The following PDE1C variants were observed in gnomAD, a reference collection of about 807,000 sequenced individuals.
PDE1C encodes phosphodiesterase 1C, also known as dual specificity calcium/calmodulin-dependent 3',5'-cyclic nucleotide phosphodiesterase 1C.
In PDE1C, 62 loss-of-function variants were observed where a neutral mutation model predicts 93.1. The observed-to-expected ratio is 0.67, with a 90% confidence interval of 0.54 to 0.82. The LOEUF (loss-of-function observed/expected upper bound fraction) is 0.82. PDE1C is among the 40% of genes least tolerant of loss of function. The probability of loss-of-function intolerance (pLI) is 0.00; values close to 1 mark genes in which losing one functional copy is unlikely to be tolerated. For synonymous variants in PDE1C, 325 were observed against 310.1 expected, an observed-to-expected ratio of 1.05 and a Z score of -0.50; for missense variants, 742 against 884.6, an observed-to-expected ratio of 0.84 and a Z score of 2.04.
chr7:32,334,084 T>G lies in PDE1C; in HGVS notation c.310+93738A>C, dbSNP rs549367220. 3.9e-5 allele frequency among the ~76,000 whole-genome samples: 6 copies of G among 152,310 alleles called. No homozygotes were observed. The South Asian group carries it at 1.2e-3, about 32-fold the overall frequency. On this transcript the variant is annotated intron_variant, in intron 1 of 1. Coordinates refer to the PDE1C transcript ENST00000672256. ...ATAAAATTAACCACCAATTAATGAT[T>G]GAATGAAAAGAAGTCTCAAAAAGAA... is the stretch of plus-strand genomic sequence containing the variant.
intron 3 of PDE1C, among the ~76,000 whole-genome samples, chr7:32,105,865 G>A (rs568924496): frequency 3.1e-4 from 47 of 152,084 alleles, no homozygotes; most frequent in African/African-American, 1.1e-3. Flanking sequence ...CAGTCCAAGA[G>A]AAAAGTCCAA....
At chr7:32,146,737 C>G (rs1800861904) in intron 3 of PDE1C, among the ~76,000 whole-genome samples, 1 of 152,036 alleles carries the variant, frequency 6.6e-6, no homozygotes, top group African/African-American at 2.4e-5. Context: ...AGATACTGAT[C>G]AGATTAGGTA....
chr7:32,326,763 A>T (rs189527306), intron 1 of PDE1C, among the ~76,000 whole-genome samples: 6 of 152,294 alleles, frequency 3.9e-5, no homozygotes. Flanking sequence ...ATGCAGAGCA[A>T]TGGGGTAGCA....
chr7:32,326,862 A>G (rs1562675324), intron 1 of PDE1C, among the ~76,000 whole-genome samples: 1 of 152,234 alleles, frequency 6.6e-6, no homozygotes, highest in East Asian at 1.9e-4. Flanking sequence ...ATAACAATCT[A>G]GAGGGAAAAT....
chr7:31,683,769 G>T, the PDE1C span, among the ~76,000 whole-genome samples: 1 of 152,112 alleles, frequency 6.6e-6, no homozygotes, highest in South Asian at 2.1e-4. Context: ...TCTTTTAAGA[G>T]AACATTTTAT....
At chr7:31,836,615 G>A (rs952845560) in intron 11 of PDE1C, among the ~76,000 whole-genome samples, 1 of 152,120 alleles carries the variant, frequency 6.6e-6, no homozygotes, top group African/African-American at 2.4e-5. Context: ...TTACAGGCAT[G>A]AGCCACTGCA....
chr7:31,709,501 C>T, the PDE1C span, among the ~76,000 whole-genome samples: 1 of 152,282 alleles, frequency 6.6e-6, no homozygotes, highest in East Asian at 1.9e-4. Context: ...TCCCCATTGC[C>T]TGAGTATTGA....
At chr7:31,832,641 T>G (rs569483992) in intron 11 of PDE1C, among the ~76,000 whole-genome samples, 11 of 152,236 alleles carry the variant, frequency 7.2e-5, no homozygotes, top group Non-Finnish European at 1.0e-4. Flanking sequence ...TTATGGCATC[T>G]AGGTTAAAAT....
chr7:32,037,601 C>T (rs533218605), intron 2 of PDE1C, among the ~76,000 whole-genome samples: 16 of 152,242 alleles, frequency 1.1e-4, no homozygotes, highest in African/African-American at 3.1e-4. Context: ...CTTTTCTGAA[C>T]CCCCAAACTA....
intron 11 of PDE1C, among the ~76,000 whole-genome samples, chr7:31,833,785 A>G (rs1465465659): frequency 6.6e-6 from 1 of 152,236 alleles, no homozygotes; most frequent in Non-Finnish European, 1.5e-5. Flanking sequence ...ACGACACATA[A>G]AAGTTCAGAA....
chr7:32,091,292 A>C (rs1797456036), intron 3 of PDE1C, among the ~76,000 whole-genome samples: 1 of 152,222 alleles, frequency 6.6e-6, no homozygotes, highest in East Asian at 1.9e-4. Context: ...TGCTTCAATG[A>C]ACTTTAGATG....
the PDE1C span, among the ~76,000 whole-genome samples, chr7:31,639,536 TTG>T: frequency 1.0e-3 from 22 of 21,346 alleles, 1 homozygote; most frequent in East Asian, 4.3e-3. Context: ...TTGTTTGTTT[TTG>T]TTTTTTTTTT....
chr7:32,009,181 C>T lies in PDE1C; in HGVS notation c.128+42373G>A, dbSNP rs960070189. 3.9e-5 allele frequency among the ~76,000 whole-genome samples: 6 copies of T among 152,134 alleles called. 1 individual carries two copies. The highest frequency in any genetic ancestry group is 2.6e-4 in the Admixed American group (4 of 15,266). ...AATGAAGGTTTGCATTGGAGATATG[C>T]GAAACAAAGACAGGGAGCCCTGTGG... On this transcript the variant is annotated intron_variant, in intron 2 of 17. Transcript: ENST00000396191.
At chr7:31,984,206 C>G (rs1340172096) in intron 2 of PDE1C, among the ~76,000 whole-genome samples, 1 of 152,138 alleles carries the variant, frequency 6.6e-6, no homozygotes, top group Non-Finnish European at 1.5e-5. Flanking sequence ...AGCAAGACAG[C>G]CTGTGCTCTG....
chr7:32,380,279 C>G (rs1784509050), intron 1 of PDE1C, among the ~76,000 whole-genome samples: 1 of 151,750 alleles, frequency 6.6e-6, no homozygotes, highest in South Asian at 2.1e-4. Flanking sequence ...GCTCTTTCAC[C>G]CAGGCTGGAG....
At chr7:32,380,925 G>C (rs1165784510) in intron 1 of PDE1C, among the ~76,000 whole-genome samples, 1 of 151,938 alleles carries the variant, frequency 6.6e-6, no homozygotes. Context: ...CCACACCCAT[G>C]TGAATCACAC....
intron 3 of PDE1C, among the ~76,000 whole-genome samples, chr7:32,080,863 G>A (rs778153962): frequency 1.3e-5 from 2 of 152,150 alleles, no homozygotes; most frequent in African/African-American, 4.8e-5. Flanking sequence ...AAAAGACCCT[G>A]AAGGCACTGT....
At chr7:31,714,301 A>T in the PDE1C span, among the ~76,000 whole-genome samples, 1 of 152,188 alleles carries the variant, frequency 6.6e-6, no homozygotes. Flanking sequence ...CCTTTCCTCC[A>T]GTTCCCAACT....
the PDE1C span, among the ~76,000 whole-genome samples, chr7:31,682,075 T>C: frequency 2.0e-5 from 3 of 152,206 alleles, no homozygotes; most frequent in Non-Finnish European, 4.4e-5. Flanking sequence ...AGCTGTCTAC[T>C]TGACCTCCCT....
Sources: allele counts gnomAD v4.1 joint callset (sites outside exome capture counted in the v4.1 genomes callset), GRCh38; gene constraint gnomAD v4.1.1; transcripts MANE v1.5; gene names NCBI Gene and HGNC (gene_info 2026-07-23, HGNC 2026-07-21).